Variants in RASSF6 observed in about 807,000 individuals in gnomAD.
RASSF6 encodes Ras association domain family member 6.
A neutral mutation model predicts 44.0 loss-of-function variants in RASSF6; 52 were observed. The ratio of observed to expected loss-of-function variants is 1.18; its 90% CI spans 0.95 to 1.49. The LOEUF (loss-of-function observed/expected upper bound fraction) is 1.49. Ranked by LOEUF, RASSF6 falls within the 40% of genes most tolerant of loss-of-function variation. The pLI is 0.00. For synonymous variants in RASSF6, 162 were observed against 124.6 expected (o/e 1.30, Z -2.00); for missense variants, 464 against 393.3 (o/e 1.18, Z -1.52).
intron 2 of RASSF6, among the ~76,000 whole-genome samples, chr4:73,600,135 C>T (rs1725185223): frequency 6.6e-6 from 1 of 152,162 alleles, no homozygotes; most frequent in East Asian, 1.9e-4. Context: ...TCTTGATTTT[C>T]TCCTCTGCCC....
In RASSF6 at chr4:73,576,648, G is replaced by A. The variant is rs775480284; in HGVS notation, c.805C>T (p.Leu269Phe). Residue 269 changes from leucine to phenylalanine, a missense_variant, in exon 9 of 11, where the codon CTC becomes TTC. Leu to Phe is a conservative substitution (Grantham distance 22). Transcript: ENST00000307439. Reference sequence around the variant, plus strand: ...ATTTCTTCTGCATCTTTATCCATGAGGAAAATGCGAGCATTCTTTTCAGAA... The same window carrying A: ...ATTTCTTCTGCATCTTTATCCATGAAGAAAATGCGAGCATTCTTTTCAGAA... Reference protein sequence around the residue: ...GPSEKNARIFLMDKDAEEISS... With the variant: ...GPSEKNARIFFMDKDAEEISS... 3.0e-5 allele frequency: 48 copies of A among 1,613,456 alleles called. No individual in the cohort carries two copies. The South Asian group carries it at 4.6e-4, about 16-fold the overall frequency.
At chr4:73,594,680 C>G (rs1724813258) in intron 3 of RASSF6, among the ~76,000 whole-genome samples, 1 of 152,156 alleles carries the variant, frequency 6.6e-6, no homozygotes, top group Non-Finnish European at 1.5e-5. Context: ...CCACTTTTGA[C>G]TTTACATTTC....
At position 73,595,468 on chromosome 4, in the gene RASSF6, G is replaced by C. The variant is rs190287942; in HGVS notation, c.145-1875C>G. On this transcript the variant is annotated intron_variant, in intron 3 of 10. Transcript: ENST00000307439. ...CCTGCCTCGGCCTCCCAAAGTGCTG[G>C]GATTATAGGCATGAGCCACAGCACC... Among the ~76,000 whole-genome samples, 760 of 152,114 alleles carry C rather than the reference G, an allele frequency of 5.0e-3. 10 individuals carry two copies. The highest frequency in any genetic ancestry group is 0.017 in the African/African-American group (724 of 41,490).
intron 2 of RASSF6, among the ~76,000 whole-genome samples, chr4:73,609,472 G>A (rs1346264308): frequency 6.6e-6 from 1 of 151,982 alleles, no homozygotes; most frequent in Non-Finnish European, 1.5e-5. Flanking sequence ...ATCCAGTAGT[G>A]GGATATAAAC....
chr4:73,582,340 G>C, intron 6 of RASSF6, 50 bp from the exon 7 acceptor site: 1 of 900,050 alleles, frequency 1.1e-6, no homozygotes, highest in Non-Finnish European at 1.7e-6. Context: ...TATATTAAGG[G>C]TATTCAATAT....
intron 6 of RASSF6, among the ~76,000 whole-genome samples, chr4:73,582,921 G>A (rs10020054): frequency 0.28 from 42,411 of 151,894 alleles, 6,161 homozygotes; most frequent in Admixed American, 0.41. Flanking sequence ...TGTGTGGAGA[G>A]TGTCTAGGAT....
At chr4:73,586,289 T>C (rs1339788068) in intron 5 of RASSF6, among the ~76,000 whole-genome samples, 1 of 152,006 alleles carries the variant, frequency 6.6e-6, no homozygotes, top group Non-Finnish European at 1.5e-5. Context: ...TTGAGTCATG[T>C]ATATTTAACA....
intron 1 of RASSF6, among the ~76,000 whole-genome samples, chr4:73,613,791 G>A (rs1726176672): frequency 6.6e-6 from 1 of 152,058 alleles, no homozygotes; most frequent in Non-Finnish European, 1.5e-5. Context: ...CTATCTCACA[G>A]GCCTCAACAC....
intron 3 of RASSF6, among the ~76,000 whole-genome samples, chr4:73,596,395 A>G (rs1458674442): frequency 6.6e-6 from 1 of 152,208 alleles, no homozygotes; most frequent in African/African-American, 2.4e-5. Context: ...AAAGAATAAA[A>G]TACCTAGGAG....
Position 73,575,321 on chromosome 4 carries a change from A to G in RASSF6, c.*914T>C, listed in dbSNP as rs1355452050. 6.6e-6 allele frequency: 1 copy of G among 151,984 alleles called. No individual in the cohort carries two copies. The highest frequency in any genetic ancestry group is 1.5e-5 in the Non-Finnish European group (1 of 67,972). 9.4% of individuals were successfully genotyped at this position (151,984 alleles called of 1,614,324 possible). ...TTAGTGTTTTTTTTTCAAGTGGGTTAAACAGATCTGTGAGTACCTTGAGAG... is the reference window on the plus strand; with the variant it reads ...TTAGTGTTTTTTTTTCAAGTGGGTTGAACAGATCTGTGAGTACCTTGAGAG... On this transcript the variant is annotated 3_prime_UTR_variant, in exon 11 of 11. Transcript: ENST00000307439.
chr4:73,591,114 G>T (rs1170257623), intron 4 of RASSF6, among the ~76,000 whole-genome samples: 2 of 152,098 alleles, frequency 1.3e-5, no homozygotes, highest in Non-Finnish European at 2.9e-5. Context: ...TACTTCAAAA[G>T]AGTTAAATAA....
rs373810186 is a variant in RASSF6 at position 73,585,365 on chromosome 4, C to A, written c.383-1G>T. Reference sequence around the variant, plus strand: ...GTGTTGCTGTGATAAGATAAATAGTCTGGGAAGAATAGATTATAAGCTCAT... The same window carrying A: ...GTGTTGCTGTGATAAGATAAATAGTATGGGAAGAATAGATTATAAGCTCAT... On this transcript the variant is annotated splice_acceptor_variant, in intron 5 of 10. Coordinates refer to ENST00000307439, the MANE Select transcript of RASSF6 (RefSeq NM_177532.5). LOFTEE classifies it high-confidence loss of function. 2 of 1,575,442 alleles carry A rather than the reference C, an allele frequency of 1.3e-6. No individual in the cohort carries two copies. Among genetic ancestry groups the A allele is most frequent in the Non-Finnish European group, 1.7e-6 (2 of 1,163,462 alleles).
At chr4:73,585,043 A>G (rs1723966363) in intron 6 of RASSF6, 137 bp downstream of exon 6, 2 of 559,616 alleles carry the variant, frequency 3.6e-6, no homozygotes, top group South Asian at 3.3e-5. Flanking sequence ...TATCTAGCAC[A>G]TAGAGAGTGC....
chr4:73,581,107 G>T (rs200777427), intron 8 of RASSF6, among the ~76,000 whole-genome samples: 1 of 145,634 alleles, frequency 6.9e-6, no homozygotes, highest in African/African-American at 2.5e-5. Context: ...TTCTTAAGGT[G>T]TTCTGGCATC....
intron 8 of RASSF6, among the ~76,000 whole-genome samples, chr4:73,579,677 G>T (rs1346046083): frequency 1.3e-5 from 2 of 151,798 alleles, no homozygotes; most frequent in East Asian, 1.9e-4. Context: ...TGGTATTATA[G>T]TTATTAATCT....
At chr4:73,595,541 T>C (rs1190313201) in intron 3 of RASSF6, among the ~76,000 whole-genome samples, 2 of 152,136 alleles carry the variant, frequency 1.3e-5, no homozygotes, top group Non-Finnish European at 2.9e-5. Flanking sequence ...ATGTACAGAA[T>C]TGGAAAGAAT....
intron 5 of RASSF6, among the ~76,000 whole-genome samples, chr4:73,586,496 GC>G (rs938857120): frequency 1.3e-5 from 2 of 151,884 alleles, no homozygotes; most frequent in Admixed American, 1.3e-4. Context: ...CCTGCCTTCT[GC>G]CCCCCTTTCT....
intron 2 of RASSF6, among the ~76,000 whole-genome samples, chr4:73,609,239 A>T (rs999773329): frequency 2.0e-5 from 3 of 152,204 alleles, no homozygotes; most frequent in African/African-American, 7.2e-5. Flanking sequence ...ATTCACCTCT[A>T]AAGTGCCCAG....
At chr4:73,581,240 C>A (rs1723625896) in intron 8 of RASSF6, among the ~76,000 whole-genome samples, 1 of 152,082 alleles carries the variant, frequency 6.6e-6, no homozygotes, top group Non-Finnish European at 1.5e-5. Context: ...TAAAAACTTT[C>A]ATTTCAGTAT....
Sources: gnomAD v4.1 joint callset for allele counts (sites outside exome capture counted in the v4.1 genomes callset) on GRCh38, gnomAD v4.1.1 for gene constraint, MANE v1.5 for transcripts, NCBI Gene and HGNC (gene_info 2026-07-23, HGNC 2026-07-21) for gene names.